Variants in TEAD1 observed in about 807,000 individuals in gnomAD.
The protein encoded by TEAD1 is transcriptional enhancer factor TEF-1.
TEAD1 carries 9 observed loss-of-function variants against 54.9 expected under a neutral mutation model. The observed-to-expected ratio is 0.16, with a 90% CI of 0.10 to 0.29. The LOEUF (loss-of-function observed/expected upper bound fraction) is 0.29, where lower values mean the gene tolerates loss of function less well. Among genes scored for constraint, TEAD1 ranks in the 10% least tolerant of loss-of-function variants. The probability of loss-of-function intolerance (pLI) is 1.00; values close to 1 mark genes in which losing one functional copy is unlikely to be tolerated. For missense variants in TEAD1, 387 were observed against 535.9 expected, an observed-to-expected ratio of 0.72 and a Z score of 2.74; for synonymous variants, 200 against 187.8, an observed-to-expected ratio of 1.07 and a Z score of -0.53.
At chr11:12,761,862 G>T (rs866768234) in intron 2 of TEAD1, among the ~76,000 whole-genome samples, 1 of 152,158 alleles carries the variant, frequency 6.6e-6, no homozygotes, top group Non-Finnish European at 1.5e-5. Flanking sequence ...TACTGAGAAG[G>T]TAATGAGTTC....
intron 9 of TEAD1, among the ~76,000 whole-genome samples, chr11:12,899,476 T>C (rs1948382414): frequency 6.6e-6 from 1 of 152,138 alleles, no homozygotes; most frequent in East Asian, 1.9e-4. Context: ...TACATTTCCA[T>C]GGGCTGTTGT....
At chr11:12,874,979 T>G (rs1458453429) in intron 5 of TEAD1, among the ~76,000 whole-genome samples, 2 of 152,194 alleles carry the variant, frequency 1.3e-5, no homozygotes, top group East Asian at 3.9e-4. Context: ...GGATGCAATT[T>G]TCTTATTCTT....
chr11:12,726,784 G>A (rs1564919934), intron 2 of TEAD1, among the ~76,000 whole-genome samples: 1 of 152,190 alleles, frequency 6.6e-6, no homozygotes, highest in Admixed American at 6.5e-5. Context: ...GCTACAGTGA[G>A]CTGAGATTGC....
chr11:12,877,279 A>G (rs916129410), intron 5 of TEAD1, among the ~76,000 whole-genome samples: 67 of 152,206 alleles, frequency 4.4e-4, no homozygotes, highest in African/African-American at 1.3e-3. Context: ...GATGTTCATA[A>G]TGACCTTGAG....
chr11:12,696,231 T>C lies in TEAD1; in HGVS notation c.-55+20670T>C, dbSNP rs112399115. Among the ~76,000 whole-genome samples, 120 of 152,302 alleles carry C rather than the reference T, an allele frequency of 7.9e-4. 2 individuals are homozygous for C. The highest frequency in any genetic ancestry group is 2.7e-3 in the African/African-American group (112 of 41,556). On this transcript the variant is annotated intron_variant, in intron 2 of 12. Coordinates refer to ENST00000527636, the MANE Select transcript of TEAD1 (RefSeq NM_021961.6). Reference sequence around the variant, plus strand: ...TTGTTTTGTTTTTGTTTCGTAATTGTGTTGGACAGGTAGATACTTTCTATA... The same window carrying C: ...TTGTTTTGTTTTTGTTTCGTAATTGCGTTGGACAGGTAGATACTTTCTATA...
intron 2 of TEAD1, among the ~76,000 whole-genome samples, chr11:12,711,837 G>T (rs1943945497): frequency 6.6e-6 from 1 of 152,214 alleles, no homozygotes; most frequent in Non-Finnish European, 1.5e-5. Context: ...TCCCTCAGGA[G>T]GTTCTGCTCC....
intron 9 of TEAD1, among the ~76,000 whole-genome samples, chr11:12,886,938 G>T (rs1283304792): frequency 6.6e-6 from 1 of 152,128 alleles, no homozygotes; most frequent in Non-Finnish European, 1.5e-5. Context: ...ACCAGCCAGA[G>T]CTCTGTCACT....
At chr11:12,881,750 T>G (rs1947973684) in intron 7 of TEAD1, 146 bp from the exon 8 acceptor site, 3 of 779,536 alleles carry the variant, frequency 3.8e-6, no homozygotes, top group African/African-American at 1.7e-5. Flanking sequence ...ATGGAACAAC[T>G]GCCTCTGCCT....
chr11:12,746,997 G>A (rs567437446), intron 2 of TEAD1, among the ~76,000 whole-genome samples: 1 of 152,216 alleles, frequency 6.6e-6, no homozygotes, highest in Non-Finnish European at 1.5e-5. Flanking sequence ...GGTTGTTGAG[G>A]CCACAGACCA....
chr11:12,724,379 C>T (rs1292911375), intron 2 of TEAD1, among the ~76,000 whole-genome samples: 1 of 152,232 alleles, frequency 6.6e-6, no homozygotes, highest in Non-Finnish European at 1.5e-5. Context: ...TCCCTTCCCG[C>T]ACACCTCTCG....
At position 12,780,299 on chromosome 11, in the gene TEAD1, A is replaced by T. The variant is rs540552147; in HGVS notation, c.202+15865A>T. 9.5e-5 allele frequency among the ~76,000 whole-genome samples: 14 copies of T among 146,672 alleles called. No individual in the cohort carries two copies. The South Asian group carries it at 2.8e-3, about 29-fold the overall frequency. ...GCTCTTGTCACCTAGGCTGGACTGC[A>T]GTGGTGCGATCTTGGCTCACTACAA... is the stretch of plus-strand genomic sequence containing the variant. On this transcript the variant is annotated intron_variant, in intron 3 of 12. Coordinates refer to ENST00000527636, the MANE Select transcript of TEAD1 (RefSeq NM_021961.6).
At chr11:12,744,112 AT>A (rs1944700397) in intron 2 of TEAD1, among the ~76,000 whole-genome samples, 1 of 152,194 alleles carries the variant, frequency 6.6e-6, no homozygotes, top group South Asian at 2.1e-4. Flanking sequence ...GCTAGGCCAG[AT>A]TATCCCCAAA....
chr11:12,809,839 G>A (rs555681701), intron 3 of TEAD1, among the ~76,000 whole-genome samples: 7 of 152,210 alleles, frequency 4.6e-5, no homozygotes, highest in Admixed American at 1.3e-4. Flanking sequence ...TGTATGCTCC[G>A]AGCCCTGTGC....
At chr11:12,878,368 C>A (rs1037954466) in intron 5 of TEAD1, among the ~76,000 whole-genome samples, 6 of 152,280 alleles carry the variant, frequency 3.9e-5, no homozygotes, top group Admixed American at 3.9e-4. Flanking sequence ...ACCCTCTCTG[C>A]TGGTACTTGG....
At chr11:12,865,613 T>A (rs928939863) in intron 5 of TEAD1, 5 of 151,652 alleles carry the variant, frequency 3.3e-5, no homozygotes, top group African/African-American at 1.2e-4. Flanking sequence ...TTTGCTTAAA[T>A]TTTTTTTTAC....
At chr11:12,780,779 A>G (rs557648568) in intron 3 of TEAD1, among the ~76,000 whole-genome samples, 21 of 152,360 alleles carry the variant, frequency 1.4e-4, no homozygotes, top group Non-Finnish European at 2.6e-4. Context: ...AGCAGTACCT[A>G]CAAATTGATC....
chr11:12,914,671 A>C (rs1403111016), intron 10 of TEAD1, among the ~76,000 whole-genome samples: 2 of 151,550 alleles, frequency 1.3e-5, no homozygotes, highest in Non-Finnish European at 3.0e-5. Flanking sequence ...CTTTTAGAGC[A>C]GCCAGCTTTC....
At chr11:12,904,963 C>T (rs565533593) in intron 10 of TEAD1, 31 of 229,338 alleles carry the variant, frequency 1.4e-4, no homozygotes, top group Non-Finnish European at 2.3e-4. Flanking sequence ...AATTTATTTA[C>T]GAGTGTAAAG....
intron 2 of TEAD1, among the ~76,000 whole-genome samples, chr11:12,733,618 C>A (rs1231468600): frequency 6.6e-6 from 1 of 152,172 alleles, no homozygotes; most frequent in Admixed American, 6.5e-5. Context: ...CTGCCTCCTG[C>A]CTGTGTGCAT....
Sources: allele counts gnomAD v4.1 joint callset (sites outside exome capture counted in the v4.1 genomes callset), GRCh38; gene constraint gnomAD v4.1.1; transcripts MANE v1.5; gene names NCBI Gene and HGNC (gene_info 2026-07-23, HGNC 2026-07-21).